The following GALNT17 variants were observed in gnomAD, a reference collection of about 807,000 sequenced individuals.
GALNT17 encodes the protein polypeptide N-acetylgalactosaminyltransferase 17.
A neutral mutation model predicts 63.7 loss-of-function variants in GALNT17; 29 were observed. The observed-to-expected ratio is 0.46, with a 90% CI of 0.34 to 0.62. The LOEUF (loss-of-function observed/expected upper bound fraction) is 0.62. Among genes scored for constraint, GALNT17 ranks in the 20% least tolerant of loss-of-function variants. The pLI is 0.01. For synonymous variants in GALNT17, 305 were observed against 318.3 expected (o/e 0.96, Z 0.45); for missense variants, 603 against 799.6 (o/e 0.75, Z 2.97).
chr7:71,462,100 GA>G (rs1363224550), intron 5 of GALNT17, among the ~76,000 whole-genome samples: 1 of 152,122 alleles, frequency 6.6e-6, no homozygotes, highest in Non-Finnish European at 1.5e-5. Flanking sequence ...GCTAGATTCA[GA>G]GGATTCTCCA....
chr7:71,321,951 T>C (rs146883442), intron 1 of GALNT17, among the ~76,000 whole-genome samples: 1,931 of 100,088 alleles, frequency 0.019, 72 homozygotes, highest in African/African-American at 0.046. Context: ...CTCCCTTCCT[T>C]CCTTCCTTCC....
intron 6 of GALNT17, among the ~76,000 whole-genome samples, chr7:71,593,149 C>CAATAAT (rs59397445): frequency 0.021 from 3,041 of 146,866 alleles, 46 homozygotes; most frequent in African/African-American, 0.043. Flanking sequence ...GACCTTGTTG[C>CAATAAT]AATAATAATA....
chr7:71,644,294 T>G (rs1790643590), intron 6 of GALNT17, among the ~76,000 whole-genome samples: 1 of 151,320 alleles, frequency 6.6e-6, no homozygotes, highest in South Asian at 2.1e-4. Context: ...CCCAGCACTT[T>G]GGAAGGTCAA....
At chr7:71,548,084 T>C (rs1789016120) in intron 5 of GALNT17, among the ~76,000 whole-genome samples, 1 of 151,792 alleles carries the variant, frequency 6.6e-6, no homozygotes, top group Non-Finnish European at 1.5e-5. Flanking sequence ...AAAATTTTTT[T>C]TTTTAAAAAT....
intron 6 of GALNT17, among the ~76,000 whole-genome samples, chr7:71,657,867 TGG>T (rs1394850042): frequency 1.1e-5 from 1 of 90,286 alleles, no homozygotes; most frequent in African/African-American, 4.1e-5. Flanking sequence ...GATGGATGGA[TGG>T]ATGGATGGAT....
intron 1 of GALNT17, among the ~76,000 whole-genome samples, chr7:71,247,543 G>C (rs543936877): frequency 6.6e-6 from 1 of 152,138 alleles, no homozygotes; most frequent in East Asian, 1.9e-4. Flanking sequence ...TGCAACCTCT[G>C]CCTCCTGGGT....
chr7:71,495,037 GA>G (rs1788072832), intron 5 of GALNT17, among the ~76,000 whole-genome samples: 1 of 152,178 alleles, frequency 6.6e-6, no homozygotes, highest in Admixed American at 6.5e-5. Flanking sequence ...TTGGGAGACT[GA>G]GGCAGGTAGA....
At chr7:71,610,602 C>T (rs1790111372) in intron 6 of GALNT17, among the ~76,000 whole-genome samples, 1 of 152,030 alleles carries the variant, frequency 6.6e-6, no homozygotes, top group Non-Finnish European at 1.5e-5. Flanking sequence ...TATCAGAATC[C>T]AAGGAATGTT....
intron 5 of GALNT17, among the ~76,000 whole-genome samples, chr7:71,545,885 A>G (rs1294204846): frequency 2.0e-5 from 3 of 152,248 alleles, no homozygotes; most frequent in Non-Finnish European, 4.4e-5. Flanking sequence ...GCTTTTGCTC[A>G]TCACTCCTAG....
Position 71,132,904 on chromosome 7 carries a change from C to T in GALNT17, c.102C>T (p.Arg34=), listed in dbSNP as rs752006154. 1.2e-6 allele frequency: 2 copies of T among 1,612,686 alleles called. No homozygotes were observed. The highest frequency in any genetic ancestry group is 2.2e-5 in the South Asian group (2 of 91,016). The part of the protein sequence containing the change: ...FLAKCRPIAV[R]SGDAFHEIRP... ...CCAAGTGCCGGCCCATCGCGGTGCG[C>T]AGCGGAGACGCCTTCCACGAGATCC... Residue 34 remains arginine (R), a synonymous_variant, in exon 1 of 11, where the codon CGC becomes CGT. Transcript: ENST00000333538.
intron 1 of GALNT17, among the ~76,000 whole-genome samples, chr7:71,294,127 A>C (rs937062985): frequency 6.7e-6 from 1 of 149,876 alleles, no homozygotes; most frequent in Non-Finnish European, 1.5e-5. Flanking sequence ...ACAGCACTGC[A>C]CTCCAGCCTG....
intron 6 of GALNT17, among the ~76,000 whole-genome samples, chr7:71,611,106 C>T (rs1335646028): frequency 6.6e-6 from 1 of 151,998 alleles, no homozygotes; most frequent in East Asian, 1.9e-4. Context: ...CCCCTGGGCT[C>T]CTTCAGATTA....
At chr7:71,167,630 A>G (rs1391274733) in intron 1 of GALNT17, among the ~76,000 whole-genome samples, 1 of 152,124 alleles carries the variant, frequency 6.6e-6, no homozygotes, top group African/African-American at 2.4e-5. Flanking sequence ...TACTTTTGGT[A>G]TCATATCTAA....
At position 71,310,344 on chromosome 7, in the gene GALNT17, A is replaced by G. The variant is rs189558090; in HGVS notation, c.239-25206A>G. Among the ~76,000 whole-genome samples, 390 of 152,314 alleles carry G rather than the reference A, an allele frequency of 2.6e-3. 3 individuals are homozygous for G. Among genetic ancestry groups the G allele is most frequent in the African/African-American group, 8.9e-3 (368 of 41,578 alleles). On this transcript the variant is annotated intron_variant, in intron 1 of 10. Coordinates refer to ENST00000333538, the MANE Select transcript of GALNT17 (RefSeq NM_022479.3). ...CACAAAGGATTCCCTAAATCATATC[A>G]CTATGTGTTCAATGGCATCGTCTTT...
chr7:71,669,855 C>G (rs1791041672), intron 7 of GALNT17, 117 bp from the exon 8 acceptor site: 1 of 1,364,980 alleles, frequency 7.3e-7, no homozygotes, highest in Non-Finnish European at 1.0e-6. Context: ...GCCACCGTGC[C>G]CAGCCCAGGC....
rs116260235 is a variant in GALNT17 at position 71,402,000 on chromosome 7, A to G, written c.589+13599A>G. 2.4e-3 allele frequency among the ~76,000 whole-genome samples: 366 copies of G among 152,332 alleles called. 4 individuals carry two copies. The highest frequency in any genetic ancestry group is 6.5e-3 in the Admixed American group (99 of 15,296). On this transcript the variant is annotated intron_variant, in intron 3 of 10. Coordinates refer to ENST00000333538, the MANE Select transcript of GALNT17 (RefSeq NM_022479.3). ...GGTTGGGGACTGCTGTTCTAAAGCA[A>G]TAGCATGGGGAGGAAAGAGAGGAAT...
Position 71,133,028 on chromosome 7 carries a change from C to G in GALNT17, c.226C>G (p.Arg76Gly). The change falls in exon 1 of 11, where the codon CGG becomes GGG. Residue 76 changes from arginine to glycine, a missense_variant. Physicochemically the swap from Arg to Gly is moderately radical, Grantham distance 125. This residue lies in a region of GALNT17 where 195 missense variants were observed against 215.0 expected (regional missense o/e 0.91). Transcript: ENST00000333538. ...RLSLLEDIVY[R>G]QLNGLSKSLG... is the part of the protein sequence containing the mutation. ...GTCGCTGCTGGAGGACATCGTGTAC[C>G]GGCAGCTGAATGGTAAGGACGCACG... The G allele has an allele frequency of 6.3e-7, 1 of 1,581,044 alleles. No homozygotes were observed.
At chr7:71,155,935 G>T (rs571739616) in intron 1 of GALNT17, among the ~76,000 whole-genome samples, 4 of 152,010 alleles carry the variant, frequency 2.6e-5, no homozygotes, top group Middle Eastern at 3.4e-3. Context: ...AGTGGCTCAT[G>T]CCTGTAATCC....
At position 71,621,834 on chromosome 7, in the gene GALNT17, G is replaced by A. The variant is rs1790300337; in HGVS notation, c.1081-43577G>A. The stretch of plus-strand genomic sequence containing the variant: ...CTCTTCCAGATTGGTCACATACTGT[G>A]TCACTAAGAAAGGGCTCTTGCCCTC... On this transcript the variant is annotated intron_variant, in intron 6 of 10. Coordinates refer to ENST00000333538, the MANE Select transcript of GALNT17 (RefSeq NM_022479.3). Among the ~76,000 whole-genome samples, 4 of 152,154 alleles carry A rather than the reference G, an allele frequency of 2.6e-5. No homozygotes were observed. In the South Asian group the frequency reaches 8.3e-4, roughly 32 times the overall value.
Sources: gnomAD v4.1 joint callset for allele counts (sites outside exome capture counted in the v4.1 genomes callset) on GRCh38, gnomAD v4.1.1 for gene constraint, gnomAD v4.1.1 regional missense constraint, MANE v1.5 for transcripts, NCBI Gene and HGNC (gene_info 2026-07-23, HGNC 2026-07-21) for gene names.